The following DNAH12 variants were observed in gnomAD, a reference collection of about 807,000 sequenced individuals.
The protein encoded by DNAH12 is axonemal beta dynein heavy chain 12.
DNAH12 carries 285 observed loss-of-function variants against 371.5 expected under a neutral mutation model. The observed-to-expected ratio is 0.77, with a 90% CI of 0.70 to 0.85. The LOEUF is 0.85. Among genes scored for constraint, DNAH12 ranks in the 40% least tolerant of loss-of-function variants. The pLI is 0.00. For synonymous variants in DNAH12, 1,200 were observed against 1,213.0 expected, an observed-to-expected ratio of 0.99 and a Z score of 0.22; for missense variants, 3,611 against 3,689.4, an observed-to-expected ratio of 0.98 and a Z score of 0.55.
At position 57,413,891 on chromosome 3, in the gene DNAH12, C is replaced by G; in HGVS notation, c.5875G>C (p.Asp1959His). ...QVQNIIMARL[D>H]KRRKGVFGPP... is the part of the protein sequence containing the mutation. ...CCAAAGACTCCTTTGCGTCTTTTAT[C>G]CAATCTAGCCATGATAATGTTCTAA... Residue 1959 changes from aspartate (D) to histidine (H), a missense_variant, in exon 39 of 74, where the codon GAT becomes CAT. Asp to His is a moderately conservative substitution (Grantham distance 81). This residue lies in a region of DNAH12 where 2,266 missense variants were observed against 2,236.9 expected (regional missense o/e 1.01). Coordinates refer to ENST00000495027, the MANE Select transcript of DNAH12 (RefSeq NM_001366028.2). The G allele has an allele frequency of 6.4e-7, 1 of 1,550,436 alleles. No individual in the cohort carries two copies. The highest frequency in any genetic ancestry group is 1.4e-5 in the African/African-American group (1 of 73,082).
intron 22 of DNAH12, among the ~76,000 whole-genome samples, chr3:57,456,438 AG>A (rs1414843244): frequency 2.0e-5 from 3 of 152,236 alleles, no homozygotes; most frequent in African/African-American, 7.2e-5. Flanking sequence ...GTGGTCCTAA[AG>A]GCAGAAATAT....
chr3:57,509,652 A>G (rs559223674), intron 5 of DNAH12, among the ~76,000 whole-genome samples: 6 of 152,128 alleles, frequency 3.9e-5, no homozygotes, highest in African/African-American at 1.4e-4. Flanking sequence ...ACCTGAGGTC[A>G]GGAGTTTGAG....
chr3:57,403,572 G>C, intron 42 of DNAH12, 71 bp from the exon 43 acceptor site: 3 of 1,326,570 alleles, frequency 2.3e-6, no homozygotes, highest in African/African-American at 1.5e-5. Flanking sequence ...TGTAACTATT[G>C]TTTCACTTTC....
chr3:57,538,523 C>A (rs1470480372), intron 2 of DNAH12, among the ~76,000 whole-genome samples: 1 of 152,198 alleles, frequency 6.6e-6, no homozygotes, highest in Non-Finnish European at 1.5e-5. Context: ...TTAAGCATGT[C>A]AAAGTGGAGA....
chr3:57,509,297 G>T, intron 5 of DNAH12, 85 bp from the exon 6 acceptor site: 1 of 1,300,436 alleles, frequency 7.7e-7, no homozygotes, highest in Non-Finnish European at 1.1e-6. Flanking sequence ...GATTTTGGAT[G>T]GTATAGTTTA....
intron 11 of DNAH12, among the ~76,000 whole-genome samples, chr3:57,492,657 T>G (rs1428141393): frequency 6.6e-6 from 1 of 152,082 alleles, no homozygotes; most frequent in Non-Finnish European, 1.5e-5. Context: ...CCCAAAATTA[T>G]TACAAAATTC....
intron 62 of DNAH12, among the ~76,000 whole-genome samples, chr3:57,327,711 G>C (rs2061984773): frequency 6.6e-6 from 1 of 151,628 alleles, no homozygotes; most frequent in Admixed American, 6.6e-5. Context: ...ACTAAAACCA[G>C]AGCAGAACTG....
At chr3:57,550,101 G>C in the DNAH12 span, among the ~76,000 whole-genome samples, 43 of 151,982 alleles carry the variant, frequency 2.8e-4, no homozygotes, top group African/African-American at 1.0e-3. Flanking sequence ...TTGAGGCCAG[G>C]AGTGCAAGAC....
At chr3:57,372,239 T>C in intron 55 of DNAH12, among the ~76,000 whole-genome samples, 1 of 152,214 alleles carries the variant, frequency 6.6e-6, no homozygotes, top group South Asian at 2.1e-4. Flanking sequence ...ACCACATATA[T>C]CCTTGAAATA....
intron 62 of DNAH12, among the ~76,000 whole-genome samples, chr3:57,333,859 T>C (rs1431165672): frequency 6.6e-6 from 1 of 152,168 alleles, no homozygotes; most frequent in Non-Finnish European, 1.5e-5. Context: ...GAAATTATCA[T>C]GTATAACTAA....
chr3:57,524,676 C>T (rs188575216), intron 2 of DNAH12, among the ~76,000 whole-genome samples: 34 of 152,114 alleles, frequency 2.2e-4, no homozygotes, highest in Admixed American at 1.8e-3. Flanking sequence ...GTGAAGGCCA[C>T]ATACATGTTA....
At chr3:57,498,880 T>G (rs557280123) in intron 11 of DNAH12, among the ~76,000 whole-genome samples, 13 of 151,952 alleles carry the variant, frequency 8.6e-5, no homozygotes, top group Non-Finnish European at 1.2e-4. Flanking sequence ...GTGCCTGTAA[T>G]CCCAGCTACT....
chr3:57,421,536 G>A lies in DNAH12; in HGVS notation c.5544C>T (p.Val1848=), dbSNP rs759074328. The A allele has an allele frequency of 2.6e-5, 41 of 1,551,440 alleles. 2 individuals carry two copies. In the South Asian group the frequency reaches 4.6e-4, roughly 18 times the overall value. The change falls in exon 36 of 74, where the codon GTC becomes GTT. Residue 1848 remains valine, a synonymous_variant. Transcript: ENST00000495027. ...WECPFDEKGL[V]YDYMYELKNK... ...GTCATACCTCATACATGTAGTCATA[G>A]ACCAGGCCTTTTTCATCAAATGGGC... is the stretch of plus-strand genomic sequence containing the variant.
chr3:57,416,116 C>T (rs1412885194), intron 37 of DNAH12, among the ~76,000 whole-genome samples: 1 of 151,986 alleles, frequency 6.6e-6, no homozygotes, highest in Non-Finnish European at 1.5e-5. Context: ...TAAGGTTTCA[C>T]TCTGTCACTC....
At chr3:57,348,008 A>C (rs1434303289) in intron 60 of DNAH12, among the ~76,000 whole-genome samples, 1 of 152,180 alleles carries the variant, frequency 6.6e-6, no homozygotes, top group Non-Finnish European at 1.5e-5. Context: ...CAGCTGTTGC[A>C]CTCCTGGTAC....
chr3:57,454,713 T>G, intron 23 of DNAH12, 62 bp downstream of exon 23: 1 of 1,530,600 alleles, frequency 6.5e-7, no homozygotes, highest in Non-Finnish European at 8.8e-7. Flanking sequence ...CTAAAAATAA[T>G]AAAATTAAAT....
chr3:57,302,567 A>ATATATATATATATTTTTTTTTTT (rs2061380979), intron 69 of DNAH12, among the ~76,000 whole-genome samples: 1 of 27,482 alleles, frequency 3.6e-5, no homozygotes, highest in Non-Finnish European at 6.3e-5. Context: ...ATATATATGT[A>ATATATATATATATTTTTTTTTTT]TTTTTTTTTT....
In DNAH12 at chr3:57,395,800, A is replaced by C. The variant is rs910028107; in HGVS notation, c.6949-1468T>G. Among the ~76,000 whole-genome samples, 29 of 151,870 alleles carry C rather than the reference A, an allele frequency of 1.9e-4. 2 individuals are homozygous for C. In the South Asian group the frequency reaches 5.6e-3, roughly 30 times the overall value. ...TCTCTAAAAAAATAAAAAAAATAAA[A>C]ATTAGCTGGGCATGGTGGTACATGT... On this transcript the variant is annotated intron_variant, in intron 43 of 73. Transcript: ENST00000495027.
chr3:57,361,034 A>T (rs1365155391), intron 58 of DNAH12, among the ~76,000 whole-genome samples: 1 of 152,028 alleles, frequency 6.6e-6, no homozygotes, highest in Non-Finnish European at 1.5e-5. Context: ...GTATTATTCT[A>T]TAAAAAGAGA....
Sources: allele counts gnomAD v4.1 joint callset (sites outside exome capture counted in the v4.1 genomes callset), GRCh38; gene constraint gnomAD v4.1.1; regional missense constraint gnomAD v4.1.1; transcripts MANE v1.5; gene names NCBI Gene and HGNC (gene_info 2026-07-23, HGNC 2026-07-21).